PPM1H: variants seen among roughly 807,000 people sequenced by gnomAD.
PPM1H encodes protein phosphatase, Mg2+/Mn2+ dependent 1H, also known as protein phosphatase 1H.
Under a neutral mutation model 54.9 loss-of-function variants are expected in PPM1H, and 27 were observed. The ratio of observed to expected loss-of-function variants is 0.49; its 90% CI spans 0.36 to 0.68. The LOEUF (loss-of-function observed/expected upper bound fraction) is 0.68. Ranked by LOEUF, PPM1H falls within the 30% of genes least tolerant of loss-of-function variation. The pLI is 0.00. For missense variants in PPM1H, 596 were observed against 667.8 expected (o/e 0.89, Z 1.19); for synonymous variants, 305 against 270.8 (o/e 1.13, Z -1.24).
chr12:62,697,499 T>C (rs2076121142), intron 6 of PPM1H, among the ~76,000 whole-genome samples: 1 of 152,120 alleles, frequency 6.6e-6, no homozygotes, highest in South Asian at 2.1e-4. Context: ...TTCCTCAAAC[T>C]GCTCTCAGTT....
At chr12:62,821,795 C>T (rs1468117228) in intron 2 of PPM1H, among the ~76,000 whole-genome samples, 1 of 152,188 alleles carries the variant, frequency 6.6e-6, no homozygotes, top group East Asian at 1.9e-4. Flanking sequence ...TGGTACCAGC[C>T]ACTGCAAAAA....
At chr12:62,787,152 T>C (rs138084456) in intron 4 of PPM1H, among the ~76,000 whole-genome samples, 1 of 152,084 alleles carries the variant, frequency 6.6e-6, no homozygotes, top group African/African-American at 2.4e-5. Context: ...AATTTCTTGA[T>C]TGCCTCAAGG....
At chr12:62,786,984 A>G (rs1408522023) in intron 4 of PPM1H, among the ~76,000 whole-genome samples, 3 of 152,162 alleles carry the variant, frequency 2.0e-5, no homozygotes, top group Non-Finnish European at 4.4e-5. Context: ...AAAGCAACAG[A>G]CCTTCAACAA....
intron 8 of PPM1H, among the ~76,000 whole-genome samples, chr12:62,674,928 G>C (rs568881236): frequency 2.6e-5 from 4 of 152,264 alleles, no homozygotes; most frequent in African/African-American, 9.6e-5. Context: ...TGAAATGAGA[G>C]GTTAGGCCTA....
At chr12:62,821,073 TTAAATG>T (rs2076900511) in intron 2 of PPM1H, among the ~76,000 whole-genome samples, 1 of 152,104 alleles carries the variant, frequency 6.6e-6, no homozygotes, top group African/African-American at 2.4e-5. Flanking sequence ...AGAGAAGACC[TTAAATG>T]ACCTGATGGA....
chr12:62,758,484 A>T (rs1337125257), intron 4 of PPM1H, among the ~76,000 whole-genome samples: 1 of 152,148 alleles, frequency 6.6e-6, no homozygotes, highest in East Asian at 1.9e-4. Context: ...AAGATGACCT[A>T]CAATGCACAT....
At chr12:62,876,966 C>T (rs1457013024) in intron 1 of PPM1H, among the ~76,000 whole-genome samples, 2 of 152,190 alleles carry the variant, frequency 1.3e-5, no homozygotes, top group Admixed American at 6.5e-5. Context: ...AGGCTCCAGT[C>T]GGCACTTGCG....
At chr12:62,827,042 A>G (rs1868298914) in intron 2 of PPM1H, among the ~76,000 whole-genome samples, 1 of 152,150 alleles carries the variant, frequency 6.6e-6, no homozygotes, top group Admixed American at 6.5e-5. Flanking sequence ...TGTGTCACCT[A>G]AGCCACTTCT....
chr12:62,712,968 G>T (rs183282271), intron 6 of PPM1H, among the ~76,000 whole-genome samples: 1 of 152,188 alleles, frequency 6.6e-6, no homozygotes, highest in East Asian at 1.9e-4. Flanking sequence ...ATTCTGTGGC[G>T]TTTCTCAATC....
At chr12:62,787,333 C>CG (rs1347180330) in intron 4 of PPM1H, among the ~76,000 whole-genome samples, 4 of 152,172 alleles carry the variant, frequency 2.6e-5, no homozygotes, top group South Asian at 2.1e-4. Flanking sequence ...CACAGCCCTT[C>CG]GGGGGGAAGA....
At chr12:62,856,094 G>A (rs1869376273) in intron 1 of PPM1H, among the ~76,000 whole-genome samples, 1 of 152,288 alleles carries the variant, frequency 6.6e-6, no homozygotes, top group East Asian at 1.9e-4. Flanking sequence ...CATTTGGATG[G>A]CTTCTTCTCC....
At chr12:62,831,010 T>C (rs910949940) in intron 2 of PPM1H, among the ~76,000 whole-genome samples, 24 of 151,998 alleles carry the variant, frequency 1.6e-4, no homozygotes, top group Admixed American at 5.9e-4. Context: ...CCCGCCACCA[T>C]GCCCAGCTAA....
rs1419559838 is a variant in PPM1H, at chr12:62,645,442, C to T, written c.*3047G>A. The stretch of plus-strand genomic sequence containing the variant: ...TTCATCCTATTAAGACAGCTGAGTA[C>T]TTGGCCTGGCCCGATTTTCACCTTT... On this transcript the variant is annotated 3_prime_UTR_variant, in exon 10 of 10. Transcript: ENST00000228705. The T allele has an allele frequency of 1.3e-5, 2 of 152,292 alleles. No individual in the cohort carries two copies. Among genetic ancestry groups the T allele is most frequent in the African/African-American group, 2.4e-5 (1 of 41,470 alleles). The allele number at this position is 152,292 out of a possible 1,614,324, so 9.4% of individuals were successfully genotyped here.
At chr12:62,817,626 A>T (rs192924057) in intron 2 of PPM1H, among the ~76,000 whole-genome samples, 1 of 152,338 alleles carries the variant, frequency 6.6e-6, no homozygotes, top group Non-Finnish European at 1.5e-5. Flanking sequence ...CAGGGAGCCA[A>T]CTGCCTGATG....
rs571451880 is a variant in PPM1H, at chr12:62,777,988, G to C, written c.869+10238C>G. 2.0e-4 allele frequency among the ~76,000 whole-genome samples: 30 copies of C among 152,302 alleles called. No individual in the cohort carries two copies. In the East Asian group the frequency reaches 5.0e-3, roughly 25 times the overall value. ...TCTTGGAGAAGAAAAATAAAAATTA[G>C]CTTGGCATGGTGGCACGCACCTGTA... On this transcript the variant is annotated intron_variant, in intron 4 of 9. Transcript: ENST00000228705.
chr12:62,678,848 G>A (rs1425324849), intron 8 of PPM1H, among the ~76,000 whole-genome samples: 4 of 152,096 alleles, frequency 2.6e-5, no homozygotes. Flanking sequence ...GCACCACCAT[G>A]CCTAATTTTT....
At chr12:62,889,890 C>G (rs1483838721) in intron 1 of PPM1H, among the ~76,000 whole-genome samples, 1 of 152,080 alleles carries the variant, frequency 6.6e-6, no homozygotes, top group Non-Finnish European at 1.5e-5. Context: ...AATACAATGT[C>G]AAAGGTACGA....
At chr12:62,769,275 G>A (rs2076563906) in intron 4 of PPM1H, among the ~76,000 whole-genome samples, 1 of 152,216 alleles carries the variant, frequency 6.6e-6, no homozygotes, top group South Asian at 2.1e-4. Flanking sequence ...TTGGGGTAAG[G>A]AAGTTGTCTG....
intron 6 of PPM1H, among the ~76,000 whole-genome samples, chr12:62,705,647 T>C (rs1377581794): frequency 6.6e-6 from 1 of 152,232 alleles, no homozygotes; most frequent in African/African-American, 2.4e-5. Flanking sequence ...ATCCACTTGG[T>C]GTGCATTCAC....
Sources: allele counts gnomAD v4.1 joint callset (sites outside exome capture counted in the v4.1 genomes callset), GRCh38; gene constraint gnomAD v4.1.1; transcripts MANE v1.5; gene names NCBI Gene and HGNC (gene_info 2026-07-23, HGNC 2026-07-21).